The following CSMD1 variants were observed in gnomAD, a reference collection of about 807,000 sequenced individuals.
CSMD1 encodes the protein CUB and Sushi multiple domains 1, also known as CUB and sushi domain-containing protein 1.
In CSMD1, 213 loss-of-function variants were observed where a neutral mutation model predicts 417.5. That is an observed-to-expected ratio of 0.51 (90% CI 0.46 to 0.57). The LOEUF (loss-of-function observed/expected upper bound fraction) is 0.57, where lower values mean the gene tolerates loss of function less well. Among genes scored for constraint, CSMD1 ranks in the 20% least tolerant of loss-of-function variants. The probability of loss-of-function intolerance (pLI) is 0.00; values close to 1 mark genes in which losing one functional copy is unlikely to be tolerated. For missense variants in CSMD1, 6,923 were observed against 4,529.7 expected (o/e 1.53, Z -15.17); for synonymous variants, 2,862 against 1,736.8 (o/e 1.65, Z -16.11).
rs898048470 is a variant in CSMD1, at chr8:4,529,475, T to G, written c.302+107867A>C. Among the ~76,000 whole-genome samples the G allele has an allele frequency of 1.1e-4, 17 of 152,202 alleles. 1 individual carries two copies. The highest frequency in any genetic ancestry group is 2.6e-4 in the Admixed American group (4 of 15,278). On this transcript the variant is annotated intron_variant, in intron 2 of 69. Coordinates refer to ENST00000635120, the MANE Select transcript of CSMD1 (RefSeq NM_033225.6). ...CTTATAAATATGCAACTCATAAAAT[T>G]TAATGATTTATAACTATTATTTAAT...
At chr8:4,513,993 C>A (rs183346708) in intron 2 of CSMD1, among the ~76,000 whole-genome samples, 1 of 152,272 alleles carries the variant, frequency 6.6e-6, no homozygotes, top group East Asian at 1.9e-4. Context: ...AGCTAAAGAG[C>A]CTCCTCATTT....
chr8:3,957,407 G>C (rs772465386), intron 5 of CSMD1, among the ~76,000 whole-genome samples: 3 of 152,202 alleles, frequency 2.0e-5, no homozygotes, highest in Non-Finnish European at 4.4e-5. Flanking sequence ...TCTGGGAGCA[G>C]TGGCTCCCAC....
intron 2 of CSMD1, among the ~76,000 whole-genome samples, chr8:4,460,953 T>A (rs1171747616): frequency 6.6e-6 from 1 of 152,126 alleles, no homozygotes; most frequent in African/African-American, 2.4e-5. Context: ...AAGCCAGACA[T>A]AGTTATAGAT....
chr8:3,652,676 C>T (rs930656346), intron 7 of CSMD1, among the ~76,000 whole-genome samples: 8 of 152,156 alleles, frequency 5.3e-5, no homozygotes, highest in Non-Finnish European at 1.2e-4. Flanking sequence ...ACCATAGGAA[C>T]AGTATGGGGG....
At chr8:3,571,372 G>T (rs1169098060) in intron 10 of CSMD1, among the ~76,000 whole-genome samples, 1 of 152,166 alleles carries the variant, frequency 6.6e-6, no homozygotes, top group Non-Finnish European at 1.5e-5. Context: ...ATTGGTTCCT[G>T]AAGTCTGTTC....
rs566750439 is a variant in CSMD1 at position 3,346,038 on chromosome 8, C to T, written c.3474+1954G>A. Among the ~76,000 whole-genome samples, 7 of 152,054 alleles carry T rather than the reference C, an allele frequency of 4.6e-5. No homozygotes were observed. In the East Asian group the frequency reaches 5.8e-4, roughly 13 times the overall value. ...CTTTATTATTACATCACAGTATGTG[C>T]GAAGGATCAATGTGAACAGCATTAG... On this transcript the variant is annotated intron_variant, in intron 22 of 69. Coordinates refer to ENST00000635120, the MANE Select transcript of CSMD1 (RefSeq NM_033225.6).
At chr8:3,381,393 T>C (rs1810617670) in intron 18 of CSMD1, among the ~76,000 whole-genome samples, 1 of 152,334 alleles carries the variant, frequency 6.6e-6, no homozygotes, top group South Asian at 2.1e-4. Context: ...CATATGTGTT[T>C]GCATGGCACA....
intron 20 of CSMD1, 100 bp downstream of exon 20, chr8:3,366,932 T>G (rs1809611378): frequency 6.5e-6 from 6 of 925,320 alleles, no homozygotes; most frequent in Admixed American, 2.0e-5. Context: ...CACACACGGA[T>G]GCACACATTA....
intron 1 of CSMD1, among the ~76,000 whole-genome samples, chr8:4,735,860 G>T (rs1057084226): frequency 6.6e-6 from 1 of 152,054 alleles, no homozygotes; most frequent in Admixed American, 6.6e-5. Flanking sequence ...CTGATTCCAG[G>T]GTCCAAGATT....
At chr8:4,647,767 A>G (rs1382632809) in intron 1 of CSMD1, among the ~76,000 whole-genome samples, 1 of 152,160 alleles carries the variant, frequency 6.6e-6, no homozygotes, top group East Asian at 1.9e-4. Context: ...ATGGCTGCAT[A>G]GTATTCCATG....
intron 1 of CSMD1, among the ~76,000 whole-genome samples, chr8:4,680,220 G>A (rs1805951238): frequency 1.3e-5 from 2 of 152,290 alleles, no homozygotes; most frequent in South Asian, 2.1e-4. Flanking sequence ...AAAAATGCAT[G>A]CTGTGCTTCT....
At chr8:4,381,431 G>C (rs1056374606) in intron 3 of CSMD1, among the ~76,000 whole-genome samples, 1 of 152,164 alleles carries the variant, frequency 6.6e-6, no homozygotes, top group Non-Finnish European at 1.5e-5. Context: ...AAAACCCATT[G>C]AAAAGGGGGT....
chr8:3,338,824 TTA>T (rs1585021433), intron 23 of CSMD1, among the ~76,000 whole-genome samples: 2 of 151,804 alleles, frequency 1.3e-5, no homozygotes, highest in Non-Finnish European at 2.9e-5. Context: ...TTTTTTTTTT[TTA>T]AATTTTTATT....
intron 23 of CSMD1, among the ~76,000 whole-genome samples, chr8:3,318,454 A>C (rs1453861210): frequency 6.6e-6 from 1 of 152,206 alleles, no homozygotes; most frequent in Non-Finnish European, 1.5e-5. Flanking sequence ...AACTGACCTC[A>C]GTCCTTGCTC....
chr8:3,477,770 G>A (rs553454003), intron 11 of CSMD1, among the ~76,000 whole-genome samples: 3 of 152,214 alleles, frequency 2.0e-5, no homozygotes, highest in Middle Eastern at 6.8e-3. Context: ...TATTGAGGAG[G>A]TACTGAGAGC....
At chr8:4,165,013 T>A (rs566529141) in intron 3 of CSMD1, among the ~76,000 whole-genome samples, 3 of 152,162 alleles carry the variant, frequency 2.0e-5, no homozygotes, top group African/African-American at 7.2e-5. Flanking sequence ...CTTGTATGTT[T>A]TTGTCCATGA....
chr8:4,049,197 T>C (rs977065343), intron 3 of CSMD1, among the ~76,000 whole-genome samples: 9 of 152,118 alleles, frequency 5.9e-5, no homozygotes, highest in African/African-American at 9.7e-5. Context: ...GTGTTGCGTC[T>C]TTCTCTATCT....
At chr8:3,774,377 C>T (rs1798787939) in intron 5 of CSMD1, among the ~76,000 whole-genome samples, 2 of 152,068 alleles carry the variant, frequency 1.3e-5, no homozygotes, top group Admixed American at 1.3e-4. Context: ...TGTCATCTCC[C>T]CGGGATGCAA....
At chr8:3,536,459 T>G (rs1048523846) in intron 10 of CSMD1, among the ~76,000 whole-genome samples, 2 of 152,198 alleles carry the variant, frequency 1.3e-5, no homozygotes, top group African/African-American at 4.8e-5. Context: ...CTGAGTGAAG[T>G]TGGGCCAGGT....
Sources: allele counts gnomAD v4.1 joint callset (sites outside exome capture counted in the v4.1 genomes callset), GRCh38; gene constraint gnomAD v4.1.1; transcripts MANE v1.5; gene names NCBI Gene and HGNC (gene_info 2026-07-23, HGNC 2026-07-21).